Variants in DNAJB1 observed in about 807,000 individuals in gnomAD.
DNAJB1 encodes the protein DnaJ heat shock protein family (Hsp40) member B1.
Under a neutral mutation model 24.0 loss-of-function variants are expected in DNAJB1, and 14 were observed. The ratio of observed to expected loss-of-function variants is 0.58; its 90% confidence interval spans 0.39 to 0.91. The LOEUF is 0.91. Among genes scored for constraint, DNAJB1 ranks in the 40% least tolerant of loss-of-function variants. The pLI, the probability that DNAJB1 is intolerant of heterozygous loss-of-function variation, is 0.00. For missense variants in DNAJB1, 517 were observed against 458.1 expected (o/e 1.13, Z -1.17); for synonymous variants, 262 against 174.4 (o/e 1.50, Z -3.96).
intron 1 of DNAJB1, among the ~76,000 whole-genome samples, chr19:14,538,554 G>A (rs1179993204): frequency 7.0e-6 from 1 of 143,484 alleles, no homozygotes; most frequent in African/African-American, 2.6e-5. Flanking sequence ...TTTTTTTTGA[G>A]ATAGAGTCTT....
At chr19:14,540,880 G>C (rs2073073829) in intron 1 of DNAJB1, among the ~76,000 whole-genome samples, 1 of 152,096 alleles carries the variant, frequency 6.6e-6, no homozygotes, top group South Asian at 2.1e-4. Flanking sequence ...TCTTGCCCAG[G>C]CTGGAGTGCA....
upstream of DNAJB1, among the ~76,000 whole-genome samples, chr19:14,522,487 G>GAAAAAAAAAAAAA (rs60019206): frequency 1.7e-5 from 1 of 59,258 alleles, no homozygotes. Context: ...CTGTCTCGAA[G>GAAAAAAAAAAAAA]AAAAAAAAAA....
chr19:14,542,347 G>GTTTTTTTGTTTTTTTT (rs2073126059), intron 1 of DNAJB1, among the ~76,000 whole-genome samples: 1 of 43,282 alleles, frequency 2.3e-5, no homozygotes, highest in African/African-American at 8.1e-5. Context: ...ATGCCATAGT[G>GTTTTTTTGTTTTTTTT]TTTTTTTTTT....
chr19:14,541,839 A>G (rs375675809), intron 1 of DNAJB1, among the ~76,000 whole-genome samples: 7 of 151,312 alleles, frequency 4.6e-5, no homozygotes, highest in Admixed American at 3.3e-4. Context: ...CTGGAGTGCA[A>G]TGGCACAATC....
chr19:14,532,946 C>T (rs1442168740), upstream of DNAJB1, among the ~76,000 whole-genome samples: 1 of 151,270 alleles, frequency 6.6e-6, no homozygotes. Flanking sequence ...CTCGTCTCTA[C>T]TAAAAACAAA....
chr19:14,548,599 A>G (rs2073382041), intron 1 of DNAJB1, among the ~76,000 whole-genome samples: 1 of 151,970 alleles, frequency 6.6e-6, no homozygotes, highest in Non-Finnish European at 1.5e-5. Flanking sequence ...TCTTTTAGAG[A>G]CGGAGTTTTG....
upstream of DNAJB1, among the ~76,000 whole-genome samples, chr19:14,533,407 C>T (rs10416623): frequency 0.32 from 48,623 of 151,490 alleles, 8,621 homozygotes; most frequent in Non-Finnish European, 0.41. Flanking sequence ...GTGACAAGAA[C>T]GAGACTCTGT....
chr19:14,534,695 C>A (rs2072801741), upstream of DNAJB1, among the ~76,000 whole-genome samples: 1 of 152,124 alleles, frequency 6.6e-6, no homozygotes, highest in Non-Finnish European at 1.5e-5. Context: ...CCTTGGCATC[C>A]CAAAGTGCTG....
At chr19:14,535,981 A>G (rs191240696) in intron 1 of DNAJB1, among the ~76,000 whole-genome samples, 3 of 151,890 alleles carry the variant, frequency 2.0e-5, no homozygotes, top group African/African-American at 7.2e-5. Context: ...CTTTGTACTT[A>G]GGCCATTTCT....
intron 1 of DNAJB1, among the ~76,000 whole-genome samples, chr19:14,557,957 G>A (rs1378605202): frequency 1.1e-4 from 16 of 151,528 alleles, no homozygotes; most frequent in Admixed American, 5.3e-4. Flanking sequence ...GGGTTTCACC[G>A]TGTTAGCCAG....
chr19:14,517,291 T>A (rs2072285950), intron 1 of DNAJB1: 2 of 502,974 alleles, frequency 4.0e-6, no homozygotes, highest in Non-Finnish European at 7.1e-6. Context: ...CACCTCCAGG[T>A]GCCACCTAGG....
At chr19:14,533,111 T>TA (rs920523727), upstream of DNAJB1, among the ~76,000 whole-genome samples, 6 of 147,286 alleles carry the variant, frequency 4.1e-5, no homozygotes, top group African/African-American at 1.5e-4. Flanking sequence ...GACTCTGTTT[T>TA]AAAAAAAATA....
At chr19:14,557,393 G>A (rs541489605) in intron 1 of DNAJB1, among the ~76,000 whole-genome samples, 3 of 151,118 alleles carry the variant, frequency 2.0e-5, no homozygotes, top group East Asian at 3.9e-4. Context: ...TGCCTGCTTC[G>A]GCCTCCCAAA....
upstream of DNAJB1, among the ~76,000 whole-genome samples, chr19:14,522,691 C>CACACAG (rs1568383653): frequency 2.3e-4 from 6 of 25,844 alleles, no homozygotes; most frequent in African/African-American, 4.5e-4. Flanking sequence ...CAGACACACA[C>CACACAG]ACACACACAC....
chr19:14,530,177 A>T (rs2072575948), upstream of DNAJB1: 1 of 192,126 alleles, frequency 5.2e-6, no homozygotes, highest in Admixed American at 5.4e-5. Flanking sequence ...TTCCCGGGAG[A>T]CTTAGGCGGT....
chr19:14,517,874 G>A (rs965888658), intron 1 of DNAJB1: 8 of 366,950 alleles, frequency 2.2e-5, no homozygotes, highest in Admixed American at 1.9e-4. Context: ...GCACCCCGGG[G>A]CTGCTCGGGG....
chr19:14,551,950 TC>T (rs2073532344), upstream of DNAJB1, among the ~76,000 whole-genome samples: 1 of 96,172 alleles, frequency 1.0e-5, no homozygotes, highest in Non-Finnish European at 2.1e-5. Context: ...TCCCTCCCTC[TC>T]TCTCTCTCTC....
At chr19:14,529,738 TG>T, upstream of DNAJB1, 1 of 1,613,990 alleles carries the variant, frequency 6.2e-7, no homozygotes, top group East Asian at 2.2e-5. Context: ...AGGGGCCGTG[TG>T]GCCACTGCTG....
At chr19:14,522,683 G>GACACAC (rs56121204), upstream of DNAJB1, among the ~76,000 whole-genome samples, 804 of 117,814 alleles carry the variant, frequency 6.8e-3, 14 homozygotes, top group East Asian at 0.026. Context: ...CACACACACA[G>GACACAC]ACACACACAC....
Sources: allele counts gnomAD v4.1 joint callset (sites outside exome capture counted in the v4.1 genomes callset), GRCh38; gene constraint gnomAD v4.1.1; transcripts MANE v1.5; gene names NCBI Gene and HGNC (gene_info 2026-07-23, HGNC 2026-07-21).